DNAJC5B: variants seen among roughly 807,000 people sequenced by gnomAD.
DNAJC5B encodes dnaJ homolog subfamily C member 5B.
DNAJC5B carries 23 observed loss-of-function variants against 24.7 expected under a neutral mutation model. The observed-to-expected ratio is 0.93, with a 90% confidence interval of 0.67 to 1.32. The LOEUF is 1.32. DNAJC5B is among the 40% of genes most tolerant of loss of function. The pLI, the probability that DNAJC5B is intolerant of heterozygous loss-of-function variation, is 0.00. For synonymous variants in DNAJC5B, 101 were observed against 90.1 expected, an observed-to-expected ratio of 1.12 and a Z score of -0.68; for missense variants, 238 against 240.8, an observed-to-expected ratio of 0.99 and a Z score of 0.08.
chr8:66,060,852 C>G (rs1271384750), intron 3 of DNAJC5B, among the ~76,000 whole-genome samples: 1 of 152,208 alleles, frequency 6.6e-6, no homozygotes, highest in Non-Finnish European at 1.5e-5. Flanking sequence ...GTGTTGGCCA[C>G]TGTCCTAGGT....
rs1345645395 is a variant in DNAJC5B at position 66,051,555 on chromosome 8, G to A, written c.8G>A (p.Cys3Tyr). The A allele has an allele frequency of 1.2e-6, 2 of 1,611,648 alleles. No homozygotes were observed. Among genetic ancestry groups the A allele is most frequent in the Admixed American group, 3.4e-5 (2 of 59,300 alleles). ...GTTTTGCAGCCTTAGAAAATGGCAT[G>A]TAACATACCTAACCAAAGACAGCGG... MACNIPNQRQRTL... is the reference protein window; with the variant it reads MAYNIPNQRQRTL... The change falls in exon 3 of 6, where the codon TGT becomes TAT. Residue 3 changes from cysteine (C) to tyrosine (Y), a missense_variant. Coordinates refer to ENST00000276570, the MANE Select transcript of DNAJC5B (RefSeq NM_033105.6).
chr8:66,084,585 G>A (rs1807679623), intron 5 of DNAJC5B, among the ~76,000 whole-genome samples: 1 of 152,044 alleles, frequency 6.6e-6, no homozygotes, highest in South Asian at 2.1e-4. Context: ...CGCCTGTGGT[G>A]GGGAGGTTTA....
At chr8:66,087,779 C>T (rs986699898) in intron 5 of DNAJC5B, among the ~76,000 whole-genome samples, 2 of 152,182 alleles carry the variant, frequency 1.3e-5, no homozygotes, top group African/African-American at 4.8e-5. Flanking sequence ...CATGTTGATG[C>T]AAGAGGTGGG....
intron 5 of DNAJC5B, among the ~76,000 whole-genome samples, chr8:66,082,848 A>G (rs1807626807): frequency 6.6e-6 from 1 of 152,082 alleles, no homozygotes; most frequent in Non-Finnish European, 1.5e-5. Flanking sequence ...TAACAATACC[A>G]TAAATTTCAC....
At chr8:66,067,945 A>G (rs1807257826) in intron 3 of DNAJC5B, among the ~76,000 whole-genome samples, 1 of 152,238 alleles carries the variant, frequency 6.6e-6, no homozygotes. Context: ...AGCTTGTTAC[A>G]GAGAAATAAA....
chr8:66,082,598 T>C (rs536236077), intron 5 of DNAJC5B, among the ~76,000 whole-genome samples: 28 of 152,268 alleles, frequency 1.8e-4, no homozygotes, highest in African/African-American at 5.3e-4. Context: ...GGTCAGATCC[T>C]GGATGAAGTA....
chr8:66,042,627 T>C (rs1806637111), intron 1 of DNAJC5B, among the ~76,000 whole-genome samples: 1 of 150,664 alleles, frequency 6.6e-6, no homozygotes, highest in South Asian at 2.1e-4. Flanking sequence ...CTTCTTCTCC[T>C]TCTCCTTCTC....
chr8:66,016,194 C>T, the DNAJC5B span, among the ~76,000 whole-genome samples: 1 of 152,272 alleles, frequency 6.6e-6, no homozygotes, highest in Admixed American at 6.5e-5. Flanking sequence ...TTTCTTCCAG[C>T]CCTTTTATAA....
At chr8:66,064,859 A>C (rs980505824) in intron 3 of DNAJC5B, among the ~76,000 whole-genome samples, 2 of 152,200 alleles carry the variant, frequency 1.3e-5, no homozygotes, top group Admixed American at 1.3e-4. Context: ...CTGTGTTTGC[A>C]CAAATATCCC....
chr8:66,048,427 G>T (rs28396782), intron 2 of DNAJC5B, among the ~76,000 whole-genome samples: 10 of 151,916 alleles, frequency 6.6e-5, no homozygotes, highest in Non-Finnish European at 1.2e-4. Context: ...CCTATGAAAC[G>T]GTTTCAAAGT....
chr8:66,049,239 CAT>C (rs761315035), intron 2 of DNAJC5B, among the ~76,000 whole-genome samples: 13 of 152,152 alleles, frequency 8.5e-5, no homozygotes, highest in Admixed American at 8.5e-4. Flanking sequence ...TAGTGTGACA[CAT>C]GATTCATGTC....
At chr8:66,047,919 TGTACAAATACAGGG>T (rs1806758080) in intron 2 of DNAJC5B, among the ~76,000 whole-genome samples, 1 of 152,174 alleles carries the variant, frequency 6.6e-6, no homozygotes. Flanking sequence ...AGACCTCACC[TGTACAAATACAGGG>T]CCCCGCCTCC....
chr8:66,082,439 T>C (rs1807617399), intron 5 of DNAJC5B, among the ~76,000 whole-genome samples: 1 of 152,114 alleles, frequency 6.6e-6, no homozygotes, highest in South Asian at 2.1e-4. Flanking sequence ...TAGACCTTCT[T>C]TGTGGAAGAT....
At chr8:66,016,478 A>T in the DNAJC5B span, among the ~76,000 whole-genome samples, 5 of 152,162 alleles carry the variant, frequency 3.3e-5, no homozygotes, top group Admixed American at 6.5e-5. Context: ...GCCTTCTGCC[A>T]TGATTGTAAG....
intron 5 of DNAJC5B, among the ~76,000 whole-genome samples, chr8:66,097,321 C>G (rs747906336): frequency 6.6e-6 from 1 of 151,004 alleles, no homozygotes; most frequent in African/African-American, 2.4e-5. Context: ...GAAAATTTAT[C>G]AAATGTACTT....
At chr8:66,034,844 A>G (rs1477814803) in intron 1 of DNAJC5B, among the ~76,000 whole-genome samples, 1 of 152,096 alleles carries the variant, frequency 6.6e-6, no homozygotes, top group African/African-American at 2.4e-5. Context: ...GCTTTAGGGT[A>G]ATGGAGGCCC....
chr8:66,061,715 T>A (rs1384253852), intron 3 of DNAJC5B, among the ~76,000 whole-genome samples: 1 of 152,196 alleles, frequency 6.6e-6, no homozygotes, highest in Non-Finnish European at 1.5e-5. Flanking sequence ...AACTGTTTTA[T>A]TTTAACATGC....
chr8:66,076,558 T>C, intron 3 of DNAJC5B, 102 bp from the exon 4 acceptor site: 3 of 1,215,444 alleles, frequency 2.5e-6, no homozygotes, highest in Non-Finnish European at 2.4e-6. Context: ...TCACAGTATT[T>C]GCGCTAATAA....
intron 5 of DNAJC5B, among the ~76,000 whole-genome samples, chr8:66,095,414 TC>T (rs201053067): frequency 0.082 from 12,417 of 151,776 alleles, 841 homozygotes; most frequent in African/African-American, 0.18. Flanking sequence ...TCTCTCTCTC[TC>T]TTTTTTTTAA....
Sources: allele counts gnomAD v4.1 joint callset (sites outside exome capture counted in the v4.1 genomes callset), GRCh38; gene constraint gnomAD v4.1.1; transcripts MANE v1.5; gene names NCBI Gene and HGNC (gene_info 2026-07-23, HGNC 2026-07-21).